Variants in ANKRD34C observed in about 807,000 individuals in gnomAD.
ANKRD34C encodes the protein ankyrin repeat domain 34C.
For missense variants in ANKRD34C, 563 were observed against 653.0 expected (o/e 0.86, Z 1.50); for synonymous variants, 260 against 253.6 (o/e 1.03, Z -0.24).
chr15:79,292,052 A>G (rs938719589), intron 1 of ANKRD34C, among the ~76,000 whole-genome samples: 2 of 152,256 alleles, frequency 1.3e-5, no homozygotes, highest in Non-Finnish European at 2.9e-5. Flanking sequence ...TAAATAGAGT[A>G]ATATAAATAA....
intron 1 of ANKRD34C, among the ~76,000 whole-genome samples, chr15:79,285,579 A>G (rs1204769334): frequency 6.6e-6 from 1 of 152,222 alleles, no homozygotes; most frequent in East Asian, 1.9e-4. Context: ...ACAAAATCCT[A>G]GCATCGCGAT....
chr15:79,288,436 C>G (rs748812593), intron 1 of ANKRD34C, among the ~76,000 whole-genome samples: 2 of 152,210 alleles, frequency 1.3e-5, no homozygotes, highest in Non-Finnish European at 2.9e-5. Context: ...TGTAATATCT[C>G]TTTCCCATCC....
chr15:79,289,483 G>T (rs909225213), intron 1 of ANKRD34C, among the ~76,000 whole-genome samples: 7 of 152,178 alleles, frequency 4.6e-5, no homozygotes, highest in South Asian at 2.1e-4. Flanking sequence ...GGAGGAGGAG[G>T]CCGCTGATTC....
intron 1 of ANKRD34C, among the ~76,000 whole-genome samples, chr15:79,287,080 C>G (rs561804170): frequency 6.6e-6 from 1 of 152,170 alleles, no homozygotes; most frequent in Non-Finnish European, 1.5e-5. Context: ...ATCTGCACCC[C>G]GAGTCCCTCC....
chr15:79,286,715 G>C (rs1567015065), intron 1 of ANKRD34C, among the ~76,000 whole-genome samples: 1 of 151,986 alleles, frequency 6.6e-6, no homozygotes, highest in Non-Finnish European at 1.5e-5. Flanking sequence ...TGACCCCCAA[G>C]CCTCCCAATC....
At chr15:79,290,137 G>A (rs574799834) in intron 1 of ANKRD34C, among the ~76,000 whole-genome samples, 2 of 149,666 alleles carry the variant, frequency 1.3e-5, no homozygotes, top group African/African-American at 4.9e-5. Context: ...TGATCCACCT[G>A]CCTCAGCCTC....
At chr15:79,286,542 A>G (rs1050291889) in intron 1 of ANKRD34C, among the ~76,000 whole-genome samples, 4 of 152,196 alleles carry the variant, frequency 2.6e-5, no homozygotes, top group Non-Finnish European at 5.9e-5. Flanking sequence ...GATGCACAAT[A>G]GGAGATAAAT....
chr15:79,293,839 TGC>T lies in ANKRD34C; in HGVS notation c.557_558del (p.Ala186ValfsTer4). ...AAGACAGGCATTCACCTCCACTGTG[TGC>T]GTCTCCCTCTGACATAGAGCTGAAG... ...VEDRHSPPLC[A>X]SPSDIELKAL... On this transcript the variant is annotated frameshift_variant, in exon 2 of 2. Transcript: ENST00000421388. LOFTEE classifies it low-confidence loss of function (END_TRUNC). The T allele has an allele frequency of 1.3e-6, 2 of 1,551,744 alleles. No homozygotes were observed. Among genetic ancestry groups the T allele is most frequent in the Non-Finnish European group, 1.7e-6 (2 of 1,147,002 alleles).
Position 79,295,752 on chromosome 15 carries a change from A to G in ANKRD34C, c.*860A>G, listed in dbSNP as rs1285191667. On this transcript the variant is annotated 3_prime_UTR_variant, in exon 2 of 2. Coordinates refer to ENST00000421388, the MANE Select transcript of ANKRD34C (RefSeq NM_001146341.2). ...CAGATTATTCTTAAAAGTTGATGAG[A>G]TCTTCCCAAACCAGAATGACAACTG... 6.0e-6 allele frequency: 1 copy of G among 166,770 alleles called. No homozygotes were observed. Among genetic ancestry groups the G allele is most frequent in the Non-Finnish European group, 1.5e-5 (1 of 68,124 alleles). 10.3% of individuals were successfully genotyped at this position (166,770 alleles called of 1,614,324 possible).
In ANKRD34C at chr15:79,293,911, C is replaced by A; in HGVS notation, c.627C>A (p.Phe209Leu). Residue 209 changes from phenylalanine to leucine, a missense_variant, in exon 2 of 2, where the codon TTC becomes TTA. Physicochemically the swap from Phe to Leu is conservative, Grantham distance 22. Coordinates refer to ENST00000421388, the MANE Select transcript of ANKRD34C (RefSeq NM_001146341.2). The stretch of plus-strand genomic sequence containing the variant: ...CACTCACTGAGAAGGAAGATGACTT[C>A]TTCAGCCTCCAAGCAGGGCATCCAA... Reference protein sequence around the residue: ...DSPLTEKEDDFFSLQAGHPSS... With the variant: ...DSPLTEKEDDLFSLQAGHPSS... The A allele has an allele frequency of 1.9e-6, 3 of 1,551,690 alleles. No homozygotes were observed. The highest frequency in any genetic ancestry group is 1.4e-5 in the African/African-American group (1 of 73,176).
chr15:79,290,478 T>C (rs1199400664), intron 1 of ANKRD34C, among the ~76,000 whole-genome samples: 1 of 152,178 alleles, frequency 6.6e-6, no homozygotes, highest in East Asian at 1.9e-4. Flanking sequence ...GGTTCTCTAA[T>C]GCAATTGCAA....
Position 79,294,786 on chromosome 15 carries a change from C to T in ANKRD34C, c.1502C>T (p.Ser501Leu). ...TCTATGGTTCCTGTTGCTCCAAGTT[C>T]ACCAAAGAGAGTTGACTTAAGAAGT... ...LKSMVPVAPS[S>L]PKRVDLRSKK... Residue 501 changes from serine (S) to leucine (L), a missense_variant, in exon 2 of 2, where the codon TCA (serine) becomes TTA (leucine). Physicochemically the swap from Ser to Leu is moderately radical, Grantham distance 145. Coordinates refer to ENST00000421388, the MANE Select transcript of ANKRD34C (RefSeq NM_001146341.2). The T allele has an allele frequency of 1.3e-6, 2 of 1,551,732 alleles. No homozygotes were observed. Among genetic ancestry groups the T allele is most frequent in the Non-Finnish European group, 1.7e-6 (2 of 1,147,004 alleles).
chr15:79,294,485 G>A lies in ANKRD34C; in HGVS notation c.1201G>A (p.Gly401Arg). Reference sequence around the variant, plus strand: ...CTCCATTTCCCTTGAATCCGGCAAAGGACCTTTAGATAGAAAGAAGCTCAA... The same window carrying A: ...CTCCATTTCCCTTGAATCCGGCAAAAGACCTTTAGATAGAAAGAAGCTCAA... ...PNSISLESGK[G>R]PLDRKKLNSS... Residue 401 changes from glycine to arginine, a missense_variant, in exon 2 of 2, where the codon GGA becomes AGA. Coordinates refer to ENST00000421388, the MANE Select transcript of ANKRD34C (RefSeq NM_001146341.2). 6.4e-7 allele frequency: 1 copy of A among 1,551,670 alleles called. No homozygotes were observed. Among genetic ancestry groups the A allele is most frequent in the Non-Finnish European group, 8.7e-7 (1 of 1,146,990 alleles).
intron 1 of ANKRD34C, among the ~76,000 whole-genome samples, chr15:79,290,983 A>G (rs559626159): frequency 2.0e-5 from 3 of 152,272 alleles, no homozygotes; most frequent in South Asian, 4.1e-4. Flanking sequence ...CTTGAGTACT[A>G]ATAAGGCTGG....
chr15:79,285,509 A>G (rs2058641127), intron 1 of ANKRD34C, among the ~76,000 whole-genome samples: 1 of 152,228 alleles, frequency 6.6e-6, no homozygotes, highest in Non-Finnish European at 1.5e-5. Flanking sequence ...TACATCCGTT[A>G]GCTTATTTAG....
chr15:79,295,144 C>T lies in ANKRD34C; in HGVS notation c.*252C>T. On this transcript the variant is annotated 3_prime_UTR_variant, in exon 2 of 2. Coordinates refer to ENST00000421388, the MANE Select transcript of ANKRD34C (RefSeq NM_001146341.2). ...GAAAGCCTTTGGAATTTGAAGGTAACACAGCAAGTACAATGATGTAAGCTG... is the reference window on the plus strand; with the variant it reads ...GAAAGCCTTTGGAATTTGAAGGTAATACAGCAAGTACAATGATGTAAGCTG... 2.1e-6 allele frequency: 1 copy of T among 471,278 alleles called. No homozygotes were observed. Among genetic ancestry groups the T allele is most frequent in the Non-Finnish European group, 3.8e-6 (1 of 262,500 alleles). The allele number at this position is 471,278 out of a possible 1,614,324, so 29.2% of individuals were successfully genotyped here.
Position 79,282,939 on chromosome 15 carries a change from C to T in ANKRD34C, c.-334C>T, listed in dbSNP as rs577596789. Among the ~76,000 whole-genome samples the T allele has an allele frequency of 1.3e-5, 2 of 152,298 alleles. No homozygotes were observed. Among genetic ancestry groups the T allele is most frequent in the Admixed American group, 6.5e-5 (1 of 15,302 alleles). On this transcript the variant is annotated 5_prime_UTR_variant, in exon 1 of 2. Coordinates refer to ENST00000421388, the MANE Select transcript of ANKRD34C (RefSeq NM_001146341.2). ...ACCAAACCAAACCAAACCCAAAACT[C>T]CCCTGCTCCCACCGCAACTTGGAGG...
chr15:79,295,782 T>C lies in ANKRD34C; in HGVS notation c.*890T>C, dbSNP rs1333426320. On this transcript the variant is annotated 3_prime_UTR_variant, in exon 2 of 2. Transcript: ENST00000421388. ...CCCAAACCAGAATGACAACTGAGGA[T>C]GAGATGTGCATAGATTAAATGGTAA... 2 of 166,736 alleles carry C rather than the reference T, an allele frequency of 1.2e-5. No homozygotes were observed. Among genetic ancestry groups the C allele is most frequent in the East Asian group, 1.9e-4 (1 of 5,204 alleles). The allele number at this position is 166,736 out of a possible 1,614,324, so 10.3% of individuals were successfully genotyped here.
In ANKRD34C at chr15:79,293,653, G is replaced by T; in HGVS notation, c.369G>T (p.Leu123=). Residue 123 remains leucine (L), a synonymous_variant, in exon 2 of 2, where the codon CTG becomes CTT. Coordinates refer to ENST00000421388, the MANE Select transcript of ANKRD34C (RefSeq NM_001146341.2). ...AAGATCGCACTGGGGCTTCAGCTCT[G>T]GTTTATGCAATAAATGCAGATGACA... ...SLEDRTGASA[L]VYAINADDKD... is the part of the protein sequence containing the mutation. The T allele has an allele frequency of 1.9e-6, 3 of 1,551,628 alleles. No homozygotes were observed. Among genetic ancestry groups the T allele is most frequent in the Non-Finnish European group, 2.6e-6 (3 of 1,146,972 alleles).
Sources: allele counts gnomAD v4.1 joint callset (sites outside exome capture counted in the v4.1 genomes callset), GRCh38; gene constraint gnomAD v4.1.1; transcripts MANE v1.5; gene names NCBI Gene and HGNC (gene_info 2026-07-23, HGNC 2026-07-21).